SLC25A1: variants seen among roughly 807,000 people sequenced by gnomAD.
SLC25A1 encodes tricarboxylate transport protein, mitochondrial.
SLC25A1 carries 26 observed loss-of-function variants against 38.1 expected under a neutral mutation model. That is an observed-to-expected ratio of 0.68 (90% CI 0.50 to 0.95). The LOEUF is 0.95. Ranked by LOEUF, SLC25A1 falls within the 40% of genes least tolerant of loss-of-function variation. SLC25A1 has a pLI of 0.00. For synonymous variants in SLC25A1, 211 were observed against 183.2 expected (o/e 1.15, Z -1.23); for missense variants, 378 against 426.6 (o/e 0.89, Z 1.00).
In SLC25A1 at chr22:19,178,389, C is replaced by A; in HGVS notation, c.95-149G>T. On this transcript the variant is annotated intron_variant, in intron 1 of 8. Coordinates refer to ENST00000215882, the MANE Select transcript of SLC25A1 (RefSeq NM_005984.5). The surrounding 1 kb of genome is among the most constrained non-coding windows in gnomAD (Gnocchi z 4.9). Reference sequence around the variant, plus strand: ...GCCCCACGCCCCCATGCCCTCACCCCGTTGTCCCGGCGAGGCGCAGGGGGT... The same window carrying A: ...GCCCCACGCCCCCATGCCCTCACCCAGTTGTCCCGGCGAGGCGCAGGGGGT... 1 of 1,406,482 alleles carries A rather than the reference C, an allele frequency of 7.1e-7. No individual in the cohort carries two copies. Among genetic ancestry groups the A allele is most frequent in the Non-Finnish European group, 9.2e-7 (1 of 1,083,574 alleles). 87.1% of individuals were successfully genotyped at this position (1,406,482 alleles called of 1,614,324 possible).
intron 4 of SLC25A1, 139 bp from the exon 5 acceptor site, chr22:19,177,343 G>T: frequency 1.4e-6 from 1 of 694,614 alleles, no homozygotes; most frequent in Admixed American, 2.6e-5. Context: ...GGCCGCCCTG[G>T]GCTGCCCACA....
rs1299019889 is a variant in SLC25A1 at position 19,176,256 on chromosome 22, G to A, written c.822-12C>T. The A allele has an allele frequency of 3.8e-6, 6 of 1,599,974 alleles. No homozygotes were observed. The highest frequency in any genetic ancestry group is 5.1e-6 in the Non-Finnish European group (6 of 1,168,796). On this transcript the variant is annotated splice_polypyrimidine_tract_variant and intron_variant, in intron 8 of 8. Coordinates refer to ENST00000215882, the MANE Select transcript of SLC25A1 (RefSeq NM_005984.5). ...TGCCCTTGTAGAATCTGGGTGGGAGGAGGGGCGGGGAGAGGAAGGCAGGTC... is the reference window on the plus strand; with the variant it reads ...TGCCCTTGTAGAATCTGGGTGGGAGAAGGGGCGGGGAGAGGAAGGCAGGTC...
rs1306011621 is a variant in SLC25A1, at chr22:19,178,628, C to G, written c.46G>C (p.Ala16Pro). ...TGCGTCAGCTTGGCCTTCCCGGACG[C>G]GGGCGCGGCGGCCGCCAGAGCGCGC... The part of the protein sequence containing the change: ...APRALAAAAP[A>P]SGKAKLTHPG... The change falls in exon 1 of 9, where the codon GCG becomes CCG. Residue 16 changes from alanine (A) to proline (P), a missense_variant. Coordinates refer to ENST00000215882, the MANE Select transcript of SLC25A1 (RefSeq NM_005984.5). This position sits in a 1 kb window ranked among gnomAD's most constrained non-coding sequence, Gnocchi z 4.9. 8.4e-7 allele frequency: 1 copy of G among 1,192,938 alleles called. No homozygotes were observed. The highest frequency in any genetic ancestry group is 1.0e-6 in the Non-Finnish European group (1 of 963,042). 73.9% of individuals were successfully genotyped at this position (1,192,938 alleles called of 1,614,324 possible).
In SLC25A1 at chr22:19,177,871, G is replaced by A. The variant is rs781828760; in HGVS notation, c.303-6C>T. On this transcript the variant is annotated splice_region_variant and splice_polypyrimidine_tract_variant and intron_variant, in intron 3 of 8. Coordinates refer to ENST00000215882, the MANE Select transcript of SLC25A1 (RefSeq NM_005984.5). ...GGAACTCGAACATTCCAAACCTGGA[G>A]GCGGGAGGCGGGTGAGAGGGGCTGC... The A allele has an allele frequency of 3.8e-5, 60 of 1,597,652 alleles. No homozygotes were observed. Among genetic ancestry groups the A allele is most frequent in the Admixed American group, 3.5e-5 (2 of 57,132 alleles).
intron 5 of SLC25A1, 54 bp from the exon 6 acceptor site, chr22:19,177,004 A>C (rs2083972037): frequency 1.2e-6 from 2 of 1,601,856 alleles, no homozygotes; most frequent in Non-Finnish European, 1.7e-6. Context: ...CCCGGTTGGG[A>C]ATTGGTGTGT....
intron 8 of SLC25A1, 81 bp downstream of exon 8, chr22:19,176,340 T>C: frequency 1.3e-6 from 2 of 1,566,092 alleles, no homozygotes; most frequent in Non-Finnish European, 1.8e-6. Context: ...CACAGAGGCC[T>C]GAAGGGGACA....
chr22:19,177,354 C>G lies in SLC25A1; in HGVS notation c.442-150G>C, dbSNP rs566759112. 175 of 645,246 alleles carry G rather than the reference C, an allele frequency of 2.7e-4. No individual in the cohort carries two copies. In the African/African-American group the frequency reaches 3.0e-3, roughly 11 times the overall value. 40.0% of individuals were successfully genotyped at this position (645,246 alleles called of 1,614,324 possible). ...CCAAGGCCGCCCTGGGCTGCCCACA[C>G]GGACCATGCCCCGGGACACAGGGCA... On this transcript the variant is annotated intron_variant, in intron 4 of 8. Coordinates refer to ENST00000215882, the MANE Select transcript of SLC25A1 (RefSeq NM_005984.5).
rs2083960590 is a variant in SLC25A1, at chr22:19,176,437, T to C, written c.805A>G (p.Lys269Glu). ...CCCACTCACGCCTTGAGCCCCTCCT[T>C]CTTCAGGATCTGCAAGCCGCAGTCC... ...TWDCGLQILK[K>E]EGLKAFYKGT... Residue 269 changes from lysine (K) to glutamate (E), a missense_variant, in exon 8 of 9, where the codon AAG becomes GAG. Lys to Glu is a moderately conservative substitution (Grantham distance 56, BLOSUM62 1). Transcript: ENST00000215882. 3 of 1,613,582 alleles carry C rather than the reference T, an allele frequency of 1.9e-6. No individual in the cohort carries two copies. Among genetic ancestry groups the C allele is most frequent in the Non-Finnish European group, 2.5e-6 (3 of 1,179,908 alleles).
rs11704767 is a variant in SLC25A1, at chr22:19,178,054, G to A, written c.203-13C>T. On this transcript the variant is annotated splice_polypyrimidine_tract_variant and intron_variant, in intron 2 of 8. Coordinates refer to ENST00000215882, the MANE Select transcript of SLC25A1 (RefSeq NM_005984.5). The surrounding 1 kb of genome is among the most constrained non-coding windows in gnomAD (Gnocchi z 4.9). ...CGCACGCAGTCCCCTGGGGGAGGGG[G>A]CGGTCAGGACCCCACGGCCCTCGGT... 80 of 1,574,656 alleles carry A rather than the reference G, an allele frequency of 5.1e-5. No homozygotes were observed. Among genetic ancestry groups the A allele is most frequent in the Non-Finnish European group, 6.0e-5 (70 of 1,162,582 alleles).
chr22:19,176,480 G>C lies in SLC25A1; in HGVS notation c.762C>G (p.His254Gln), dbSNP rs1235374704. 1.2e-6 allele frequency: 2 copies of C among 1,613,836 alleles called. No individual in the cohort carries two copies. The highest frequency in any genetic ancestry group is 1.7e-6 in the Non-Finnish European group (2 of 1,180,006). ...IKTRMQGLEA[H>Q]KYRNTWDCGL... ...CGCAGTCCCACGTGTTCCGGTATTT[G>C]TGCGCCTCCAGGCCCTATGGGGGAC... Residue 254 changes from histidine to glutamine, a missense_variant, in exon 8 of 9, where the codon CAC becomes CAG. His to Gln is a conservative substitution (Grantham distance 24). Transcript: ENST00000215882.
chr22:19,177,924 C>T lies in SLC25A1; in HGVS notation c.302+18G>A. 1 of 1,587,900 alleles carries T rather than the reference C, an allele frequency of 6.3e-7. No homozygotes were observed. The highest frequency in any genetic ancestry group is 8.6e-7 in the Non-Finnish European group (1 of 1,169,226). ...CGGCCGAGCCCCCCTCCCGCAGCAG[C>T]CACCGGCCGGGCCTCACCTGACGGC... is the stretch of plus-strand genomic sequence containing the variant. On this transcript the variant is annotated intron_variant, in intron 3 of 8. Transcript: ENST00000215882.
intron 5 of SLC25A1, 78 bp from the exon 6 acceptor site, chr22:19,177,028 G>A: frequency 1.3e-6 from 2 of 1,581,200 alleles, no homozygotes; most frequent in South Asian, 1.1e-5. Flanking sequence ...GGGGGTGGGT[G>A]TTGCACAAAG....
At position 19,176,414 on chromosome 22, in the gene SLC25A1, C is replaced by A. The variant is rs1477660950; in HGVS notation, c.821+7G>T. On this transcript the variant is annotated splice_region_variant and intron_variant, in intron 8 of 8. Transcript: ENST00000215882. ...GGGGACAATAGCCCTGCCCCTCCCC[C>A]ACTCACGCCTTGAGCCCCTCCTTCT... is the stretch of plus-strand genomic sequence containing the variant. 3.7e-6 allele frequency: 6 copies of A among 1,613,082 alleles called. No individual in the cohort carries two copies. The Admixed American group carries it at 5.0e-5, about 13-fold the overall frequency.
chr22:19,177,864 AC>A lies in SLC25A1; in HGVS notation c.303del (p.Arg101SerfsTer48). On this transcript the variant is annotated frameshift_variant and splice_region_variant, in exon 4 of 9. Transcript: ENST00000215882. LOFTEE classifies it high-confidence loss of function. ...LYGSIPKAAV[R>X]FGMFEFLSNH... ...TTGCTGAGGAACTCGAACATTCCAA[AC>A]CTGGAGGCGGGAGGCGGGTGAGAGG... The A allele has an allele frequency of 6.2e-7, 1 of 1,604,118 alleles. No individual in the cohort carries two copies. The highest frequency in any genetic ancestry group is 1.7e-5 in the Admixed American group (1 of 58,524).
rs782081394 is a variant in SLC25A1 at position 19,177,803 on chromosome 22, G to A, written c.365C>T (p.Thr122Met). 1 of 1,610,814 alleles carries A rather than the reference G, an allele frequency of 6.2e-7. No homozygotes were observed. Among genetic ancestry groups the A allele is most frequent in the African/African-American group, 1.3e-5 (1 of 75,002 alleles). ...MRDAQGRLDS[T>M]RGLLCGLGAG... Reference sequence around the variant, plus strand: ...GCCCAGGCCGCACAGCAGCCCACGCGTGCTGTCCAGCCGTCCCTGGGCATC... The same window carrying A: ...GCCCAGGCCGCACAGCAGCCCACGCATGCTGTCCAGCCGTCCCTGGGCATC... The change falls in exon 4 of 9, where the codon ACG becomes ATG. Residue 122 changes from threonine (T) to methionine (M), a missense_variant. Transcript: ENST00000215882.
intron 4 of SLC25A1, 120 bp downstream of exon 4, chr22:19,177,607 T>C: frequency 1.1e-5 from 16 of 1,413,668 alleles, no homozygotes; most frequent in South Asian, 2.6e-5. Flanking sequence ...CCCGCCGGCC[T>C]TCCCTGGCGT....
chr22:19,178,360 TG>T lies in SLC25A1; in HGVS notation c.95-121del. 6.8e-7 allele frequency: 1 copy of T among 1,477,858 alleles called. No homozygotes were observed. The allele number at this position is 1,477,858 out of a possible 1,614,324, so 91.5% of individuals were successfully genotyped here. A position where few individuals can be genotyped will look rare whatever the true frequency, so the allele number is the denominator to read the frequency against. The stretch of plus-strand genomic sequence containing the variant: ...CGCCAGTGCCGCGGGGAACATAGGC[TG>T]GGGCCCCACGCCCCCATGCCCTCAC... On this transcript the variant is annotated intron_variant, in intron 1 of 8. Transcript: ENST00000215882. The surrounding 1 kb of genome is among the most constrained non-coding windows in gnomAD (Gnocchi z 4.9).
chr22:19,178,526 C>G lies in SLC25A1; in HGVS notation c.94+54G>C, dbSNP rs1239242397. On this transcript the variant is annotated intron_variant, in intron 1 of 8. Transcript: ENST00000215882. The surrounding 1 kb of genome is among the most constrained non-coding windows in gnomAD (Gnocchi z 4.9). ...GAAGTGGGGCGGGGCCTCAGCGTCC[C>G]GGGCCCACCCAGAAGCGCGGCGGGA... 11 of 1,295,280 alleles carry G rather than the reference C, an allele frequency of 8.5e-6. No homozygotes were observed. The highest frequency in any genetic ancestry group is 1.1e-5 in the Non-Finnish European group (11 of 1,024,954). 80.2% of individuals were successfully genotyped at this position (1,295,280 alleles called of 1,614,324 possible). A position where few individuals can be genotyped will look rare whatever the true frequency, so the allele number is the denominator to read the frequency against.
Position 19,176,567 on chromosome 22 carries a change from G to A in SLC25A1, c.747+11C>T, listed in dbSNP as rs782748049. 78 of 1,599,782 alleles carry A rather than the reference G, an allele frequency of 4.9e-5. No homozygotes were observed. Among genetic ancestry groups the A allele is most frequent in the Non-Finnish European group, 6.3e-5 (74 of 1,167,416 alleles). ...GGTCCCCCCTTCCCCTCCCCTTCCC[G>A]GCCCCACCACCTGCATCCGGGTCTT... On this transcript the variant is annotated intron_variant, in intron 7 of 8. Coordinates refer to ENST00000215882, the MANE Select transcript of SLC25A1 (RefSeq NM_005984.5).
Sources: gnomAD v4.1 joint callset for allele counts on GRCh38, gnomAD v4.1.1 for gene constraint, Gnocchi (gnomAD v3.1) non-coding constraint, MANE v1.5 for transcripts, NCBI Gene and HGNC (gene_info 2026-07-23, HGNC 2026-07-21) for gene names.